DOCK3: variants seen among roughly 807,000 people sequenced by gnomAD.
DOCK3 encodes the protein dedicator of cytokinesis protein 3.
Under a neutral mutation model 265.6 loss-of-function variants are expected in DOCK3, and 60 were observed. The observed-to-expected ratio is 0.23, with a 90% CI of 0.18 to 0.28. DOCK3 has a LOEUF of 0.28. Among genes scored for constraint, DOCK3 ranks in the 10% least tolerant of loss-of-function variants. The probability of loss-of-function intolerance (pLI) is 1.00; values close to 1 mark genes in which losing one functional copy is unlikely to be tolerated. For synonymous variants in DOCK3, 881 were observed against 938.0 expected (o/e 0.94, Z 1.11); for missense variants, 1,981 against 2,594.3 (o/e 0.76, Z 5.14).
chr3:51,354,228 C>G (rs563574076), intron 40 of DOCK3, among the ~76,000 whole-genome samples: 144 of 151,722 alleles, frequency 9.5e-4, no homozygotes, highest in Non-Finnish European at 1.6e-3. Context: ...CCACCCCCCC[C>G]CCATTTAAAA....
intron 35 of DOCK3, among the ~76,000 whole-genome samples, chr3:51,334,411 G>A (rs2084729571): frequency 6.6e-6 from 1 of 152,218 alleles, no homozygotes; most frequent in Non-Finnish European, 1.5e-5. Context: ...CATGGATCAG[G>A]AAATAGGAGA....
At chr3:50,792,017 A>G (rs1293688544) in intron 2 of DOCK3, among the ~76,000 whole-genome samples, 8 of 152,060 alleles carry the variant, frequency 5.3e-5, no homozygotes, top group Non-Finnish European at 1.2e-4. Flanking sequence ...TTTGATAGGA[A>G]TAGCATTGAA....
intron 12 of DOCK3, among the ~76,000 whole-genome samples, chr3:51,179,861 A>G: frequency 6.6e-6 from 1 of 152,070 alleles, no homozygotes; most frequent in Non-Finnish European, 1.5e-5. Context: ...GCAGTGAGCC[A>G]TGATTATGGC....
At chr3:50,740,863 A>AT (rs1052450700) in intron 1 of DOCK3, among the ~76,000 whole-genome samples, 4 of 152,186 alleles carry the variant, frequency 2.6e-5, no homozygotes, top group Admixed American at 1.3e-4. Context: ...CATTTTAACA[A>AT]TTTTTAAATG....
In DOCK3 at chr3:50,710,521, G is replaced by A. The variant is rs183147584; in HGVS notation, c.37+35221G>A. ...AAAATAATAATAAAAAGATGTTGAC[G>A]TGGATGTAGTAAAAAGGGAACACTT... On this transcript the variant is annotated intron_variant, in intron 1 of 52. Coordinates refer to ENST00000266037, the MANE Select transcript of DOCK3 (RefSeq NM_004947.5). Among the ~76,000 whole-genome samples the A allele has an allele frequency of 2.6e-5, 4 of 152,306 alleles. No individual in the cohort carries two copies. In the East Asian group the frequency reaches 7.7e-4, roughly 29 times the overall value.
At chr3:51,072,082 ACT>A (rs1350078447) in intron 6 of DOCK3, among the ~76,000 whole-genome samples, 1 of 152,214 alleles carries the variant, frequency 6.6e-6, no homozygotes, top group South Asian at 2.1e-4. Flanking sequence ...GAGGGAAAAC[ACT>A]CTGCTCTCAA....
chr3:51,325,468 T>C (rs2084039081), intron 32 of DOCK3, among the ~76,000 whole-genome samples: 2 of 152,008 alleles, frequency 1.3e-5, no homozygotes, highest in Admixed American at 1.3e-4. Context: ...TTCGTGGGAG[T>C]GTAAATTACT....
chr3:51,173,926 G>T (rs2086810821), intron 12 of DOCK3, among the ~76,000 whole-genome samples: 1 of 151,908 alleles, frequency 6.6e-6, no homozygotes. Flanking sequence ...CAAATATAAT[G>T]CTTATATTTG....
At chr3:51,153,134 G>T (rs902821026) in intron 10 of DOCK3, among the ~76,000 whole-genome samples, 1 of 152,216 alleles carries the variant, frequency 6.6e-6, no homozygotes, top group African/African-American at 2.4e-5. Context: ...AGCAGGCCTT[G>T]CAGAGCTGTG....
intron 5 of DOCK3, among the ~76,000 whole-genome samples, chr3:50,969,316 G>T (rs187765992): frequency 2.6e-4 from 40 of 152,066 alleles, no homozygotes; most frequent in African/African-American, 8.2e-4. Context: ...TTTGGTTTCT[G>T]TTGGCATGGT....
At chr3:50,822,939 G>T (rs1227232041) in intron 2 of DOCK3, among the ~76,000 whole-genome samples, 1 of 152,122 alleles carries the variant, frequency 6.6e-6, no homozygotes, top group Non-Finnish European at 1.5e-5. Context: ...AAGGCTTCTT[G>T]TAGCTATAAA....
chr3:51,226,252 G>A (rs2090320920), intron 15 of DOCK3, among the ~76,000 whole-genome samples: 1 of 152,182 alleles, frequency 6.6e-6, no homozygotes, highest in Non-Finnish European at 1.5e-5. Context: ...AGCCAATGTA[G>A]TACAAGTGTC....
intron 3 of DOCK3, among the ~76,000 whole-genome samples, chr3:50,889,069 GTGTGTGTGTGTGTGTGTGTGT>G (rs2048503998): frequency 5.3e-5 from 2 of 37,904 alleles, no homozygotes; most frequent in African/African-American, 1.8e-4. Flanking sequence ...AGCCATGGGT[GTGTGTGTGTGTGTGTGTGTGT>G]GTGTGTGTGT....
intron 5 of DOCK3, among the ~76,000 whole-genome samples, chr3:50,937,208 C>T (rs972300521): frequency 7.1e-6 from 1 of 140,558 alleles, no homozygotes; most frequent in Admixed American, 7.6e-5. Context: ...ACCTGGGAGG[C>T]GGAGGTTTCA....
intron 4 of DOCK3, among the ~76,000 whole-genome samples, chr3:50,902,879 GTCCT>G (rs1559791469): frequency 6.6e-6 from 1 of 152,020 alleles, no homozygotes; most frequent in African/African-American, 2.4e-5. Context: ...CCCTGAAGAG[GTCCT>G]ACACCTGTCT....
intron 49 of DOCK3, among the ~76,000 whole-genome samples, chr3:51,363,580 G>A (rs2086897156): frequency 6.6e-6 from 1 of 152,178 alleles, no homozygotes; most frequent in African/African-American, 2.4e-5. Flanking sequence ...TTGGTGTGCT[G>A]CACCCGTTAA....
chr3:51,248,844 C>T (rs1404244369), intron 22 of DOCK3, among the ~76,000 whole-genome samples: 13 of 149,160 alleles, frequency 8.7e-5, no homozygotes, highest in East Asian at 6.1e-4. Context: ...TCTGCCCCGC[C>T]GCCCCGTCTG....
chr3:50,725,057 A>C (rs2108055786), intron 1 of DOCK3, among the ~76,000 whole-genome samples: 1 of 152,234 alleles, frequency 6.6e-6, no homozygotes, highest in African/African-American at 2.4e-5. Context: ...CACCTCACAG[A>C]TCCAACATGT....
chr3:50,814,450 G>C (rs1416170454), intron 2 of DOCK3, among the ~76,000 whole-genome samples: 2 of 151,054 alleles, frequency 1.3e-5, no homozygotes, highest in African/African-American at 4.9e-5. Context: ...TTTTTTGGTA[G>C]AGACAGGGTT....
Sources: gnomAD v4.1 joint callset for allele counts (sites outside exome capture counted in the v4.1 genomes callset) on GRCh38, gnomAD v4.1.1 for gene constraint, MANE v1.5 for transcripts, NCBI Gene and HGNC (gene_info 2026-07-23, HGNC 2026-07-21) for gene names.